The following AGAP1 variants were observed in gnomAD, a reference collection of about 807,000 sequenced individuals.
The protein encoded by AGAP1 is arf-GAP with GTPase, ANK repeat and PH domain-containing protein 1.
In AGAP1, 29 loss-of-function variants were observed where a neutral mutation model predicts 105.3. The observed-to-expected ratio is 0.28, with a 90% confidence interval of 0.21 to 0.38. AGAP1 has a LOEUF of 0.38. AGAP1 is among the 10% of genes least tolerant of loss of function. The pLI is 1.00. For synonymous variants in AGAP1, 509 were observed against 485.9 expected, an observed-to-expected ratio of 1.05 and a Z score of -0.63; for missense variants, 998 against 1,165.1, an observed-to-expected ratio of 0.86 and a Z score of 2.09.
chr2:235,833,682 C>G (rs1372513070), intron 9 of AGAP1, among the ~76,000 whole-genome samples: 4 of 152,016 alleles, frequency 2.6e-5, no homozygotes, highest in Admixed American at 1.3e-4. Flanking sequence ...ATGAATGGAA[C>G]AATAACTGGT....
rs1281491735 is a variant in AGAP1 at position 236,109,576 on chromosome 2, T to C, written c.2115-10616T>C. ...TCCTAGTCAGCGGCAGCGTCGGTGC[T>C]CTGGACCGGCAGCCATGGGAATGTC... On this transcript the variant is annotated intron_variant, in intron 16 of 17. Transcript: ENST00000304032. The surrounding 1 kb of genome is among the most constrained non-coding windows in gnomAD (Gnocchi z 5.4). Among the ~76,000 whole-genome samples the C allele has an allele frequency of 2.6e-5, 4 of 152,254 alleles. No individual in the cohort carries two copies. In the East Asian group the frequency reaches 7.7e-4, roughly 29 times the overall value.
intron 1 of AGAP1, among the ~76,000 whole-genome samples, chr2:235,686,639 A>G (rs1239041857): frequency 8.8e-5 from 4 of 45,420 alleles, no homozygotes; most frequent in Admixed American, 7.9e-4. Flanking sequence ...ATATATATAT[A>G]TATATAGATA....
Position 235,754,336 on chromosome 2 carries a change from CTTTG to C in AGAP1, c.673+3852_673+3855del, listed in dbSNP as rs1243097290. On this transcript the variant is annotated intron_variant, in intron 6 of 17. Transcript: ENST00000304032. This position sits in a 1 kb window ranked among gnomAD's most constrained non-coding sequence, Gnocchi z 4.6. ...GGCTTCTTTTTTGCCCTAGGGCTTA[CTTTG>C]TTTATTTACTTTTTATACCTGTATA... Among the ~76,000 whole-genome samples the C allele has an allele frequency of 6.6e-6, 1 of 151,464 alleles. No homozygotes were observed. Among genetic ancestry groups the C allele is most frequent in the East Asian group, 1.9e-4 (1 of 5,162 alleles).
In AGAP1 at chr2:236,089,798, G is replaced by A. The variant is rs367559887; in HGVS notation, c.2115-30394G>A. 1.7e-4 allele frequency among the ~76,000 whole-genome samples: 26 copies of A among 152,236 alleles called. No individual in the cohort carries two copies. In the South Asian group the frequency reaches 4.8e-3, roughly 28 times the overall value. On this transcript the variant is annotated intron_variant, in intron 16 of 17. Coordinates refer to ENST00000304032, the MANE Select transcript of AGAP1 (RefSeq NM_001037131.3). The surrounding 1 kb of genome is among the most constrained non-coding windows in gnomAD (Gnocchi z 5.6). ...TGACTGGCATCCCTGCCTCTTGAAT[G>A]GCTGACGAGGTCTAATTGGCATGTA... is the stretch of plus-strand genomic sequence containing the variant.
Position 235,615,498 on chromosome 2 carries a change from A to T in AGAP1, c.164-93681A>T, listed in dbSNP as rs556905599. On this transcript the variant is annotated intron_variant, in intron 1 of 17. Coordinates refer to ENST00000304032, the MANE Select transcript of AGAP1 (RefSeq NM_001037131.3). This position sits in a 1 kb window ranked among gnomAD's most constrained non-coding sequence, Gnocchi z 5.0. ...AATTTATTAAATCTTGCCTAAATTT[A>T]TCCGTAAGCATGGATCAAATGCACA... Among the ~76,000 whole-genome samples, 8 of 152,174 alleles carry T rather than the reference A, an allele frequency of 5.3e-5. No individual in the cohort carries two copies. The highest frequency in any genetic ancestry group is 1.2e-4 in the Non-Finnish European group (8 of 68,034).
At chr2:235,677,250 G>C (rs1002287336) in intron 1 of AGAP1, among the ~76,000 whole-genome samples, 4 of 152,006 alleles carry the variant, frequency 2.6e-5, no homozygotes, top group Non-Finnish European at 5.9e-5. Flanking sequence ...ATTTTTAATG[G>C]TGACATCACT....
At chr2:235,677,837 T>C (rs1333801362) in intron 1 of AGAP1, among the ~76,000 whole-genome samples, 2 of 136,472 alleles carry the variant, frequency 1.5e-5, no homozygotes, top group Non-Finnish European at 3.0e-5. Context: ...CAGATATCAC[T>C]TCTGTTGGTG....
chr2:235,844,365 C>T (rs1227580754), intron 9 of AGAP1, among the ~76,000 whole-genome samples: 1 of 152,232 alleles, frequency 6.6e-6, no homozygotes, highest in South Asian at 2.1e-4. Flanking sequence ...CTCACTTGCG[C>T]CCTCCTCAGC....
At position 235,577,869 on chromosome 2, in the gene AGAP1, T is replaced by C. The variant is rs535724555; in HGVS notation, c.163+83020T>C. 6.6e-6 allele frequency among the ~76,000 whole-genome samples: 1 copy of C among 151,932 alleles called. No homozygotes were observed. Among genetic ancestry groups the C allele is most frequent in the African/African-American group, 2.4e-5 (1 of 41,320 alleles). On this transcript the variant is annotated intron_variant, in intron 1 of 17. Coordinates refer to ENST00000304032, the MANE Select transcript of AGAP1 (RefSeq NM_001037131.3). This position sits in a 1 kb window ranked among gnomAD's most constrained non-coding sequence, Gnocchi z 4.5. The stretch of plus-strand genomic sequence containing the variant: ...GCTCGCTGGGACCTGATAGTTCGCC[T>C]TTGTACGGATGAAAAAAACCAAACA...
At position 236,064,433 on chromosome 2, in the gene AGAP1, A is replaced by G. The variant is rs1576210456; in HGVS notation, c.2114+15152A>G. Among the ~76,000 whole-genome samples, 2 of 152,224 alleles carry G rather than the reference A, an allele frequency of 1.3e-5. 1 individual carries two copies. The highest frequency in any genetic ancestry group is 4.8e-5 in the African/African-American group (2 of 41,548). ...TGTTGAAATCCTGTCTGTACTAAAA[A>G]AAAAATACAAAAATTGGCCAGGCAT... On this transcript the variant is annotated intron_variant, in intron 16 of 17. Coordinates refer to ENST00000304032, the MANE Select transcript of AGAP1 (RefSeq NM_001037131.3).
chr2:235,858,270 G>GC (rs1559571341), intron 9 of AGAP1, among the ~76,000 whole-genome samples: 1 of 152,202 alleles, frequency 6.6e-6, no homozygotes, highest in Non-Finnish European at 1.5e-5. Context: ...GGTTTTGGTA[G>GC]CGTTAGTTAA....
intron 10 of AGAP1, among the ~76,000 whole-genome samples, chr2:235,892,807 A>G (rs890876446): frequency 2.6e-5 from 4 of 152,156 alleles, no homozygotes; most frequent in Non-Finnish European, 4.4e-5. Context: ...CACTCAGAGA[A>G]ACTTTTCACT....
At chr2:235,940,327 C>T (rs2053201634) in intron 12 of AGAP1, among the ~76,000 whole-genome samples, 1 of 152,168 alleles carries the variant, frequency 6.6e-6, no homozygotes, top group African/African-American at 2.4e-5. Context: ...GCCAAATTCA[C>T]CTTTTAAAAA....
intron 13 of AGAP1, among the ~76,000 whole-genome samples, chr2:236,021,397 C>G (rs1291506143): frequency 6.6e-6 from 1 of 152,022 alleles, no homozygotes; most frequent in Admixed American, 6.6e-5. Context: ...CTGGTAAGCC[C>G]GGGTCTCCTG....
Position 235,961,180 on chromosome 2 carries a change from T to A in AGAP1, c.1484-7282T>A, listed in dbSNP as rs574890318. ...AGAAACACGCATGGAGCATGTCATG[T>A]CCCCATGTGGAGAGAGCCACGGAGC... On this transcript the variant is annotated intron_variant, in intron 12 of 17. Coordinates refer to ENST00000304032, the MANE Select transcript of AGAP1 (RefSeq NM_001037131.3). This position sits in a 1 kb window ranked among gnomAD's most constrained non-coding sequence, Gnocchi z 5.9. 2.0e-5 allele frequency among the ~76,000 whole-genome samples: 3 copies of A among 152,252 alleles called. No homozygotes were observed. In the South Asian group the frequency reaches 6.2e-4, roughly 32 times the overall value.
chr2:235,676,496 C>T (rs1216592266), intron 1 of AGAP1, among the ~76,000 whole-genome samples: 1 of 152,190 alleles, frequency 6.6e-6, no homozygotes, highest in Admixed American at 6.5e-5. Flanking sequence ...GGCAAATGAG[C>T]TGGATCTTGT....
rs530662426 is a variant in AGAP1, at chr2:235,777,971, G to A, written c.674-19788G>A. Among the ~76,000 whole-genome samples, 2 of 152,248 alleles carry A rather than the reference G, an allele frequency of 1.3e-5. No individual in the cohort carries two copies. Among genetic ancestry groups the A allele is most frequent in the South Asian group, 2.1e-4 (1 of 4,822 alleles). On this transcript the variant is annotated intron_variant, in intron 6 of 17. Transcript: ENST00000304032. The surrounding 1 kb of genome is among the most constrained non-coding windows in gnomAD (Gnocchi z 5.1). ...CCCCTCCTGGCTCTGCCCTGAGCCC[G>A]CTGCCCTCACCCTCTGCCTCAGACC...
Position 236,049,134 on chromosome 2 carries a change from C to G in AGAP1, c.1967C>G (p.Thr656Ser). 1 of 1,614,226 alleles carries G rather than the reference C, an allele frequency of 6.2e-7. No individual in the cohort carries two copies. Among genetic ancestry groups the G allele is most frequent in the Non-Finnish European group, 8.5e-7 (1 of 1,180,046 alleles). Residue 656 changes from threonine (T) to serine (S), a missense_variant, in exon 16 of 18, where the codon ACC becomes AGC. Around this residue, in one of 3 missense-constraint regions of AGAP1, gnomAD observed 28 missense variants for 61.0 expected, o/e 0.46. Coordinates refer to ENST00000304032, the MANE Select transcript of AGAP1 (RefSeq NM_001037131.3). ...TCAGGGATCCACCGGAATCTTGGCACCCACCTTTCCCGAGTCCGATCTCTG... is the reference window on the plus strand; with the variant it reads ...TCAGGGATCCACCGGAATCTTGGCAGCCACCTTTCCCGAGTCCGATCTCTG... ...ECSGIHRNLGTHLSRVRSLDL... is the reference protein window; with the variant it reads ...ECSGIHRNLGSHLSRVRSLDL...
At chr2:235,667,108 C>T (rs946611426) in intron 1 of AGAP1, among the ~76,000 whole-genome samples, 6 of 152,132 alleles carry the variant, frequency 3.9e-5, no homozygotes, top group Non-Finnish European at 8.8e-5. Flanking sequence ...ATTAAAGAGG[C>T]GGGATGGCCC....
Sources: allele counts gnomAD v4.1 joint callset (sites outside exome capture counted in the v4.1 genomes callset), GRCh38; gene constraint gnomAD v4.1.1; regional missense constraint gnomAD v4.1.1; non-coding constraint Gnocchi (gnomAD v3.1); transcripts MANE v1.5; gene names NCBI Gene and HGNC (gene_info 2026-07-23, HGNC 2026-07-21).